RBFOX1: variants seen among roughly 807,000 people sequenced by gnomAD.
RBFOX1 encodes RNA binding fox-1 homolog 1.
Under a neutral mutation model 57.7 loss-of-function variants are expected in RBFOX1, and 8 were observed. That is an observed-to-expected ratio of 0.14 (90% CI 0.08 to 0.25). RBFOX1 has a LOEUF of 0.25. RBFOX1 is among the 10% of genes least tolerant of loss of function. The pLI is 1.00. For missense variants in RBFOX1, 611 were observed against 548.5 expected, an observed-to-expected ratio of 1.11 and a Z score of -1.14; for synonymous variants, 326 against 222.4, an observed-to-expected ratio of 1.47 and a Z score of -4.15.
chr16:6,856,826 A>T (rs894185921), intron 3 of RBFOX1, among the ~76,000 whole-genome samples: 1 of 152,192 alleles, frequency 6.6e-6, no homozygotes, highest in Non-Finnish European at 1.5e-5. Context: ...CGATTGTCAA[A>T]CCACTGATTG....
chr16:5,357,764 C>G (rs963078062), intron 1 of RBFOX1, among the ~76,000 whole-genome samples: 1 of 152,232 alleles, frequency 6.6e-6, no homozygotes, highest in African/African-American at 2.4e-5. Context: ...GAATCTCCCC[C>G]TTTGCTTAAG....
chr16:6,911,244 T>TCA (rs1169593110), intron 3 of RBFOX1, among the ~76,000 whole-genome samples: 1 of 148,004 alleles, frequency 6.8e-6, no homozygotes, highest in Non-Finnish European at 1.5e-5. Flanking sequence ...GAACCTTGGG[T>TCA]AGTGCGTTAG....
At chr16:7,629,144 C>T (rs1041150887) in intron 10 of RBFOX1, among the ~76,000 whole-genome samples, 4 of 152,130 alleles carry the variant, frequency 2.6e-5, no homozygotes, top group Admixed American at 6.5e-5. Flanking sequence ...CAGGTAGAAC[C>T]TCTGGCCCTG....
chr16:7,095,718 A>G (rs2061578350), intron 4 of RBFOX1, among the ~76,000 whole-genome samples: 1 of 152,116 alleles, frequency 6.6e-6, no homozygotes, highest in Non-Finnish European at 1.5e-5. Context: ...TTTTTAATTC[A>G]TTTCCTTGTT....
intron 3 of RBFOX1, among the ~76,000 whole-genome samples, chr16:6,808,987 C>A (rs1246274338): frequency 1.3e-5 from 2 of 152,160 alleles, no homozygotes; most frequent in African/African-American, 4.8e-5. Flanking sequence ...TGTAACCTAG[C>A]TTAATAGACA....
intron 3 of RBFOX1, among the ~76,000 whole-genome samples, chr16:6,672,279 C>G (rs2098770569): frequency 2.0e-5 from 3 of 151,708 alleles, no homozygotes; most frequent in Admixed American, 1.3e-4. Context: ...AATATACATC[C>G]AATATAAATA....
chr16:5,855,604 A>G (rs1203607040), intron 3 of RBFOX1, among the ~76,000 whole-genome samples: 3 of 152,102 alleles, frequency 2.0e-5, no homozygotes, highest in African/African-American at 7.2e-5. Flanking sequence ...TGCTGCTACT[A>G]TACTGTTTTG....
rs368193385 is a variant in RBFOX1, at chr16:7,111,028, G to GCA, written c.27+58941_27+58942dup. Reference sequence around the variant, plus strand: ...TGTTTTTTTCTCCTAGAAGGGCATGGCACACACACACATAAAGGTTAAGAA... The same window carrying GCA: ...TGTTTTTTTCTCCTAGAAGGGCATGGCACACACACACACATAAAGGTTAAGAA... On this transcript the variant is annotated intron_variant, in intron 4 of 15. Coordinates refer to ENST00000550418, the MANE Select transcript of RBFOX1 (RefSeq NM_018723.4). Among the ~76,000 whole-genome samples, 225 of 152,042 alleles carry GCA rather than the reference G, an allele frequency of 1.5e-3. 3 individuals carry two copies. The South Asian group carries it at 0.022, about 15-fold the overall frequency.
chr16:7,025,927 A>G (rs1205497300), intron 3 of RBFOX1, among the ~76,000 whole-genome samples: 1 of 151,882 alleles, frequency 6.6e-6, no homozygotes, highest in Non-Finnish European at 1.5e-5. Flanking sequence ...CCCTCTCGGG[A>G]GCTCCCACCT....
At chr16:7,312,866 A>T (rs1306116900) in intron 4 of RBFOX1, among the ~76,000 whole-genome samples, 1 of 151,970 alleles carries the variant, frequency 6.6e-6, no homozygotes, top group East Asian at 1.9e-4. Flanking sequence ...GCCCTGCTAA[A>T]GTGTAGATCG....
intron 2 of RBFOX1, among the ~76,000 whole-genome samples, chr16:6,527,551 C>G (rs1473429400): frequency 1.3e-5 from 2 of 152,118 alleles, no homozygotes; most frequent in Non-Finnish European, 2.9e-5. Flanking sequence ...ATTCAGGCCA[C>G]TTGAAACACA....
At chr16:7,384,364 G>C (rs894615756) in intron 4 of RBFOX1, among the ~76,000 whole-genome samples, 3 of 152,126 alleles carry the variant, frequency 2.0e-5, no homozygotes, top group Non-Finnish European at 2.9e-5. Flanking sequence ...ATATAGCTCA[G>C]GTGCAACAGG....
intron 4 of RBFOX1, among the ~76,000 whole-genome samples, chr16:7,427,654 A>AT (rs1028298414): frequency 5.8e-5 from 8 of 137,702 alleles, no homozygotes; most frequent in East Asian, 4.2e-4. Flanking sequence ...TTATTTATTT[A>AT]TTTTTTTTGA....
chr16:6,936,757 T>C (rs1020075736), intron 3 of RBFOX1, among the ~76,000 whole-genome samples: 3 of 151,952 alleles, frequency 2.0e-5, no homozygotes, highest in Admixed American at 6.6e-5. Flanking sequence ...CATACTGTAT[T>C]GGTAATTCAA....
At position 6,855,079 on chromosome 16, in the gene RBFOX1, T is replaced by C. The variant is rs528555172; in HGVS notation, c.-15-196978T>C. Among the ~76,000 whole-genome samples the C allele has an allele frequency of 3.3e-5, 5 of 152,040 alleles. No homozygotes were observed. In the South Asian group the frequency reaches 1.0e-3, roughly 32 times the overall value. On this transcript the variant is annotated intron_variant, in intron 3 of 15. Coordinates refer to ENST00000550418, the MANE Select transcript of RBFOX1 (RefSeq NM_018723.4). ...AGGTCCTGAGAGGAGAGAGTGATGATCCCAACAGAAGAGAAGGATGCTATG... is the reference window on the plus strand; with the variant it reads ...AGGTCCTGAGAGGAGAGAGTGATGACCCCAACAGAAGAGAAGGATGCTATG...
chr16:7,027,830 G>T (rs533877207), intron 3 of RBFOX1, among the ~76,000 whole-genome samples: 185 of 151,834 alleles, frequency 1.2e-3, no homozygotes, highest in African/African-American at 4.1e-3. Context: ...GGGAAGGAAG[G>T]TGGAGGAGGT....
intron 3 of RBFOX1, among the ~76,000 whole-genome samples, chr16:6,890,779 C>T (rs2065230445): frequency 6.6e-6 from 1 of 152,104 alleles, no homozygotes; most frequent in Non-Finnish European, 1.5e-5. Context: ...CTTTTTTAAC[C>T]TACGTACCCA....
At chr16:6,928,271 A>G (rs1402029092) in intron 3 of RBFOX1, among the ~76,000 whole-genome samples, 2 of 152,204 alleles carry the variant, frequency 1.3e-5, no homozygotes, top group African/African-American at 4.8e-5. Context: ...CAGATTTTTA[A>G]AAGCTTACAG....
At chr16:5,468,578 G>C (rs2069027677) in intron 2 of RBFOX1, among the ~76,000 whole-genome samples, 1 of 152,132 alleles carries the variant, frequency 6.6e-6, no homozygotes, top group African/African-American at 2.4e-5. Flanking sequence ...CTGAGAACAG[G>C]TACTCAAACA....
Sources: gnomAD v4.1 joint callset for allele counts (sites outside exome capture counted in the v4.1 genomes callset) on GRCh38, gnomAD v4.1.1 for gene constraint, MANE v1.5 for transcripts, NCBI Gene and HGNC (gene_info 2026-07-23, HGNC 2026-07-21) for gene names.